ASPG: variants seen among roughly 807,000 people sequenced by gnomAD.
The protein encoded by ASPG is 60 kDa lysophospholipase.
ASPG carries 53 observed loss-of-function variants against 63.2 expected under a neutral mutation model. That is an observed-to-expected ratio of 0.84 (90% CI 0.67 to 1.05). ASPG has a LOEUF of 1.05. ASPG is among the 50% of genes least tolerant of loss of function. ASPG has a pLI of 0.00. For missense variants in ASPG, 741 were observed against 794.4 expected (o/e 0.93, Z 0.81); for synonymous variants, 370 against 355.0 (o/e 1.04, Z -0.48).
rs749839060 is a variant in ASPG at position 104,104,343 on chromosome 14, A to C, written c.793A>C (p.Met265Leu). Residue 265 changes from methionine to leucine, a missense_variant, in exon 8 of 16, where the codon ATG (methionine) becomes CTG (leucine). Physicochemically the swap from Met to Leu is conservative, Grantham distance 15 (BLOSUM62 2). Transcript: ENST00000551177. Reference sequence around the variant, plus strand: ...GCAGCCTCCCCTGAAGGGCGTGGTCATGGAGACCTTCGGTTCAGGGAACGG... The same window carrying C: ...GCAGCCTCCCCTGAAGGGCGTGGTCCTGGAGACCTTCGGTTCAGGGAACGG... ...FLQPPLKGVVMETFGSGNGPT... is the reference protein window; with the variant it reads ...FLQPPLKGVVLETFGSGNGPT... 2.9e-5 allele frequency: 46 copies of C among 1,612,410 alleles called. No individual in the cohort carries two copies. Among genetic ancestry groups the C allele is most frequent in the Non-Finnish European group, 3.7e-5 (44 of 1,179,764 alleles).
In ASPG at chr14:104,104,389, T is replaced by C; in HGVS notation, c.839T>C (p.Leu280Pro). Reference protein sequence around the residue: ...SGNGPTKPDLLQELRVATERG... With the variant: ...SGNGPTKPDLPQELRVATERG... ...AACGGACCCACCAAGCCCGACCTGC[T>C]GCAGGAGCTGCGGGTGGCCACCGAG... The change falls in exon 8 of 16, where the codon CTG (leucine) becomes CCG (proline). Residue 280 changes from leucine to proline, a missense_variant. Transcript: ENST00000551177. 1.2e-6 allele frequency: 2 copies of C among 1,612,624 alleles called. No individual in the cohort carries two copies. The highest frequency in any genetic ancestry group is 1.7e-6 in the Non-Finnish European group (2 of 1,179,802).
chr14:104,104,810 G>T, intron 9 of ASPG, 75 bp downstream of exon 9: 1 of 1,272,352 alleles, frequency 7.9e-7, no homozygotes, highest in South Asian at 1.5e-5. Flanking sequence ...GGCATGTCTG[G>T]GGCGATGCCG....
rs948509211 is a variant in ASPG, at chr14:104,113,759, C to T, written c.*1215C>T. On this transcript the variant is annotated 3_prime_UTR_variant, in exon 16 of 16. Transcript: ENST00000551177. ...GCTGGCATCCTTGCTGTCCTCACCCCGACACAGGTGTGCCTGGGCCTTGCA... is the reference window on the plus strand; with the variant it reads ...GCTGGCATCCTTGCTGTCCTCACCCTGACACAGGTGTGCCTGGGCCTTGCA... The T allele has an allele frequency of 1.3e-5, 2 of 152,356 alleles. No individual in the cohort carries two copies. Among genetic ancestry groups the T allele is most frequent in the Non-Finnish European group, 2.9e-5 (2 of 68,130 alleles). 9.4% of individuals were successfully genotyped at this position (152,356 alleles called of 1,614,324 possible).
intron 1 of ASPG, among the ~76,000 whole-genome samples, chr14:104,088,770 C>A (rs766671768): frequency 6.6e-6 from 1 of 152,172 alleles, no homozygotes; most frequent in Non-Finnish European, 1.5e-5. Flanking sequence ...CTTGACTTCG[C>A]TGGTGACAGT....
In ASPG at chr14:104,110,283, A is replaced by G. The variant is rs2037332534; in HGVS notation, c.1520+968A>G. 1.0e-6 allele frequency: 1 copy of G among 984,948 alleles called. No homozygotes were observed. Among genetic ancestry groups the G allele is most frequent in the Admixed American group, 6.2e-5 (1 of 16,250 alleles). The allele number at this position is 984,948 out of a possible 1,614,324, so 61.0% of individuals were successfully genotyped here. A position where few individuals can be genotyped will look rare whatever the true frequency, so the allele number is the denominator to read the frequency against. Reference sequence around the variant, plus strand: ...TCACTGGCTGGGAGGGGGTGGGTGCAGGCGCCTGCCCAGCAGGAGGAGGAC... The same window carrying G: ...TCACTGGCTGGGAGGGGGTGGGTGCGGGCGCCTGCCCAGCAGGAGGAGGAC... On this transcript the variant is annotated intron_variant, in intron 13 of 15. Coordinates refer to ENST00000551177, the MANE Select transcript of ASPG (RefSeq NM_001080464.3). This position sits in a 1 kb window ranked among gnomAD's most constrained non-coding sequence, Gnocchi z 4.7.
At position 104,106,891 on chromosome 14, in the gene ASPG, G is replaced by T. The variant is rs376361825; in HGVS notation, c.1266G>T (p.Glu422Asp). The change falls in exon 11 of 16, where the codon GAG becomes GAT. Residue 422 changes from glutamate (E) to aspartate (D), a missense_variant. By Grantham distance (45) the Glu-to-Asp change is conservative (BLOSUM62 2). Transcript: ENST00000551177. Reference sequence around the variant, plus strand: ...TGGAGGCGCTGCAGGCGCTTGTGGAGCTGGTGAGCCTCCCCCACCCTGGGG... The same window carrying T: ...TGGAGGCGCTGCAGGCGCTTGTGGATCTGGTGAGCCTCCCCCACCCTGGGG... ...GDVEALQALVELGSDLGLVDF... is the reference protein window; with the variant it reads ...GDVEALQALVDLGSDLGLVDF... The T allele has an allele frequency of 6.4e-6, 10 of 1,573,504 alleles. No individual in the cohort carries two copies. Among genetic ancestry groups the T allele is most frequent in the African/African-American group, 1.3e-5 (1 of 74,102 alleles).
rs2037433321 is a variant in ASPG, at chr14:104,113,959, G to A, written c.*1415G>A. 1 of 152,284 alleles carries A rather than the reference G, an allele frequency of 6.6e-6. No individual in the cohort carries two copies. The highest frequency in any genetic ancestry group is 6.5e-5 in the Admixed American group (1 of 15,284). The allele number at this position is 152,284 out of a possible 1,614,324, so 9.4% of individuals were successfully genotyped here. A position where few individuals can be genotyped will look rare whatever the true frequency, so the allele number is the denominator to read the frequency against. ...TGGAGGGCCTTGGGAGAGGCGGTGG[G>A]GCATCTGGACAAATGCCTGGTGCAG... On this transcript the variant is annotated 3_prime_UTR_variant, in exon 16 of 16. Coordinates refer to ENST00000551177, the MANE Select transcript of ASPG (RefSeq NM_001080464.3).
Position 104,112,797 on chromosome 14 carries a change from G to A in ASPG, c.*253G>A, listed in dbSNP as rs1233362127. 1 of 737,536 alleles carries A rather than the reference G, an allele frequency of 1.4e-6. No homozygotes were observed. Among genetic ancestry groups the A allele is most frequent in the Non-Finnish European group, 2.1e-6 (1 of 471,196 alleles). The allele number at this position is 737,536 out of a possible 1,614,324, so 45.7% of individuals were successfully genotyped here. A position where few individuals can be genotyped will look rare whatever the true frequency, so the allele number is the denominator to read the frequency against. ...GGGAGTCAGGCCCAGGCTCTGTGGG[G>A]TCTCTGCGGGGGTCACTTGGCCCAT... On this transcript the variant is annotated 3_prime_UTR_variant, in exon 16 of 16. Coordinates refer to ENST00000551177, the MANE Select transcript of ASPG (RefSeq NM_001080464.3).
At chr14:104,106,318 C>T (rs1027668252) in intron 10 of ASPG, among the ~76,000 whole-genome samples, 9 of 152,226 alleles carry the variant, frequency 5.9e-5, no homozygotes, top group East Asian at 1.9e-4. Flanking sequence ...GCCAGGACCG[C>T]GGCCTTTTGG....
chr14:104,110,878 G>A lies in ASPG; in HGVS notation c.1521-624G>A. The A allele has an allele frequency of 1.0e-6, 1 of 985,406 alleles. No individual in the cohort carries two copies. The highest frequency in any genetic ancestry group is 1.2e-6 in the Non-Finnish European group (1 of 829,912). 61.0% of individuals were successfully genotyped at this position (985,406 alleles called of 1,614,324 possible). A position where few individuals can be genotyped will look rare whatever the true frequency, so the allele number is the denominator to read the frequency against. ...GGTGGCAGGGTGAGGAGGAGCTGGT[G>A]AGGGCCTGGCAGGTGCTCCCCACTC... On this transcript the variant is annotated intron_variant, in intron 13 of 15. Transcript: ENST00000551177. This position sits in a 1 kb window ranked among gnomAD's most constrained non-coding sequence, Gnocchi z 4.7.
At chr14:104,111,680 T>TGCTCTGCCCCTCCCC (rs1402044877) in intron 14 of ASPG, 79 bp downstream of exon 14, 2 of 1,234,668 alleles carry the variant, frequency 1.6e-6, no homozygotes, top group African/African-American at 1.5e-5. Context: ...ACCAGCTCAC[T>TGCTCTGCCCCTCCCC]GCTCTGCCCC....
chr14:104,109,282 AGGAGCTGGAGGAAGCAGGGAC>A lies in ASPG; in HGVS notation c.1495_1515del (p.Glu499_Leu505del). 6.2e-7 allele frequency: 1 copy of A among 1,612,768 alleles called. No homozygotes were observed. On this transcript the variant is annotated inframe_deletion, in exon 13 of 16. Coordinates refer to ENST00000551177, the MANE Select transcript of ASPG (RefSeq NM_001080464.3). The surrounding 1 kb of genome is among the most constrained non-coding windows in gnomAD (Gnocchi z 4.8). The stretch of plus-strand genomic sequence containing the variant: ...GAAGCCGGGGCCTCCCTGTCCACCC[AGGAGCTGGAGGAAGCAGGGAC>A]GGAGCTGTGCAGGTGAGTGCAGCTA...
rs935594144 is a variant in ASPG at position 104,091,196 on chromosome 14, A to G, written c.83-1437A>G. Among the ~76,000 whole-genome samples the G allele has an allele frequency of 2.0e-5, 3 of 151,174 alleles. No individual in the cohort carries two copies. Among genetic ancestry groups the G allele is most frequent in the African/African-American group, 7.3e-5 (3 of 41,102 alleles). On this transcript the variant is annotated intron_variant, in intron 1 of 15. Transcript: ENST00000551177. The surrounding 1 kb of genome is among the most constrained non-coding windows in gnomAD (Gnocchi z 6.4). The stretch of plus-strand genomic sequence containing the variant: ...TGCGGACATCTAGGATGCTTTTTCA[A>G]CCCACCATACATGAGACAGGGACAC...
intron 14 of ASPG, 42 bp downstream of exon 14, chr14:104,111,643 C>A (rs1002997549): frequency 2.7e-6 from 4 of 1,506,520 alleles, no homozygotes; most frequent in Admixed American, 2.0e-5. Context: ...AAGGCTGCCA[C>A]CTCCAGGAAG....
In ASPG at chr14:104,108,580, G is replaced by A. The variant is rs2037248300; in HGVS notation, c.1434-649G>A. ...ATCTGTGGTGCTTTGCAGGGGTGGG[G>A]GCACGGCCAGCGATTATGGCACAGT... On this transcript the variant is annotated intron_variant, in intron 12 of 15. Coordinates refer to ENST00000551177, the MANE Select transcript of ASPG (RefSeq NM_001080464.3). 4.1e-6 allele frequency: 4 copies of A among 985,410 alleles called. No homozygotes were observed. In the South Asian group the frequency reaches 1.4e-4, roughly 35 times the overall value. The allele number at this position is 985,410 out of a possible 1,614,324, so 61.0% of individuals were successfully genotyped here.
At chr14:104,111,424 AC>A in intron 13 of ASPG, 77 bp from the exon 14 acceptor site, 3 of 1,312,828 alleles carry the variant, frequency 2.3e-6, no homozygotes, top group Non-Finnish European at 3.2e-6. Flanking sequence ...CGTCCAGGCC[AC>A]CTGGGGGACA....
rs1457439827 is a variant in ASPG at position 104,085,872 on chromosome 14, C to T, written c.82+20C>T. On this transcript the variant is annotated intron_variant, in intron 1 of 15. Coordinates refer to ENST00000551177, the MANE Select transcript of ASPG (RefSeq NM_001080464.3). ...TCGGCGGTGAGTCCGAGACCCTGGG[C>T]GGGGTAGGCCTCTGGACCTGGCCGC... 3.2e-6 allele frequency: 5 copies of T among 1,571,258 alleles called. No individual in the cohort carries two copies. The highest frequency in any genetic ancestry group is 4.3e-6 in the Non-Finnish European group (5 of 1,166,412).
Position 104,110,616 on chromosome 14 carries a change from A to G in ASPG, c.1521-886A>G, listed in dbSNP as rs777435487. The stretch of plus-strand genomic sequence containing the variant: ...TCTTGGAGCAGGTCCAGGAGGGGCC[A>G]GTGAGGCCATCCAGCAGATTCGCTG... On this transcript the variant is annotated intron_variant, in intron 13 of 15. Transcript: ENST00000551177. The surrounding 1 kb of genome is among the most constrained non-coding windows in gnomAD (Gnocchi z 4.7). The G allele has an allele frequency of 1.0e-6, 1 of 985,234 alleles. No homozygotes were observed. Among genetic ancestry groups the G allele is most frequent in the South Asian group, 4.7e-5 (1 of 21,280 alleles). The allele number at this position is 985,234 out of a possible 1,614,324, so 61.0% of individuals were successfully genotyped here.
At chr14:104,102,493 C>T (rs1247744075) in intron 6 of ASPG, among the ~76,000 whole-genome samples, 2 of 152,196 alleles carry the variant, frequency 1.3e-5, no homozygotes, top group Non-Finnish European at 2.9e-5. Context: ...CAGGCCCTTC[C>T]CCACCCCTGG....
Sources: gnomAD v4.1 joint callset for allele counts (sites outside exome capture counted in the v4.1 genomes callset) on GRCh38, gnomAD v4.1.1 for gene constraint, Gnocchi (gnomAD v3.1) non-coding constraint, MANE v1.5 for transcripts, NCBI Gene and HGNC (gene_info 2026-07-23, HGNC 2026-07-21) for gene names.